The following FRMD4A variants were observed in gnomAD, a reference collection of about 807,000 sequenced individuals.
FRMD4A encodes the protein FERM domain-containing protein 4A.
FRMD4A carries 29 observed loss-of-function variants against 129.1 expected under a neutral mutation model. That is an observed-to-expected ratio of 0.22 (90% CI 0.17 to 0.31). FRMD4A has a LOEUF of 0.31. Among genes scored for constraint, FRMD4A ranks in the 10% least tolerant of loss-of-function variants. The pLI, the probability that FRMD4A is intolerant of heterozygous loss-of-function variation, is 1.00. For synonymous variants in FRMD4A, 634 were observed against 571.6 expected (o/e 1.11, Z -1.56); for missense variants, 1,272 against 1,375.8 (o/e 0.92, Z 1.19).
At chr10:14,276,358 G>A (rs563263077) in intron 2 of FRMD4A, among the ~76,000 whole-genome samples, 10 of 152,156 alleles carry the variant, frequency 6.6e-5, no homozygotes, top group Non-Finnish European at 1.5e-4. Context: ...GACTCAACTT[G>A]GCAACTTCCT....
At chr10:14,063,834 T>C (rs974078037) in intron 2 of FRMD4A, among the ~76,000 whole-genome samples, 1 of 152,082 alleles carries the variant, frequency 6.6e-6, no homozygotes, top group Admixed American at 6.6e-5. Context: ...AGTCAAAACA[T>C]GCGAATTAAC....
chr10:14,177,160 T>C (rs1395705356), intron 2 of FRMD4A, among the ~76,000 whole-genome samples: 1 of 152,164 alleles, frequency 6.6e-6, no homozygotes, highest in Non-Finnish European at 1.5e-5. Flanking sequence ...ACCCCTCTCA[T>C]CAGAATTTCC....
intron 2 of FRMD4A, among the ~76,000 whole-genome samples, chr10:14,322,029 C>G (rs1224256339): frequency 6.6e-6 from 1 of 152,310 alleles, no homozygotes; most frequent in African/African-American, 2.4e-5. Flanking sequence ...TTGTAAGTTT[C>G]CTGAGGCTTC....
intron 2 of FRMD4A, among the ~76,000 whole-genome samples, chr10:14,034,300 A>C (rs572833118): frequency 5.0e-4 from 76 of 152,124 alleles, no homozygotes; most frequent in African/African-American, 1.7e-3. Context: ...GGCTGGTAGC[A>C]GGTGAGGGCA....
chr10:13,824,451 C>T (rs1691562903), intron 3 of FRMD4A, among the ~76,000 whole-genome samples: 1 of 151,494 alleles, frequency 6.6e-6, no homozygotes, highest in South Asian at 2.1e-4. Context: ...GATTGCACTA[C>T]TACACTCCAG....
At chr10:14,005,088 T>C (rs2095657164) in intron 2 of FRMD4A, among the ~76,000 whole-genome samples, 1 of 151,976 alleles carries the variant, frequency 6.6e-6, no homozygotes, top group South Asian at 2.1e-4. Flanking sequence ...AGTGGCTCCA[T>C]CTTGGCTCAC....
At chr10:13,696,055 G>A (rs1423689885) in intron 14 of FRMD4A, among the ~76,000 whole-genome samples, 1 of 152,070 alleles carries the variant, frequency 6.6e-6, no homozygotes, top group Admixed American at 6.5e-5. Flanking sequence ...TCCCTACCCC[G>A]TGGGCCTTTC....
chr10:13,734,838 TTCTATTTATTTATTTA>T (rs1564712488), intron 12 of FRMD4A, among the ~76,000 whole-genome samples: 6 of 141,864 alleles, frequency 4.2e-5, no homozygotes, highest in African/African-American at 1.3e-4. Context: ...CTTCTTCTTT[TTCTATTTATTTATTTA>T]TTTATTTATT....
At chr10:13,651,720 A>C in intron 24 of FRMD4A, 183 bp downstream of exon 24, 1 of 607,914 alleles carries the variant, frequency 1.6e-6, no homozygotes, top group South Asian at 2.0e-5. Context: ...AGTGTTAGGA[A>C]TATCATAATT....
chr10:14,152,773 G>A (rs1051640787), intron 2 of FRMD4A, among the ~76,000 whole-genome samples: 1 of 152,144 alleles, frequency 6.6e-6, no homozygotes, highest in Admixed American at 6.5e-5. Flanking sequence ...CTAGGAGGTT[G>A]AGGCTGCTGT....
At chr10:13,800,008 T>A (rs998913496) in intron 4 of FRMD4A, among the ~76,000 whole-genome samples, 18 of 130,264 alleles carry the variant, frequency 1.4e-4, no homozygotes, top group African/African-American at 4.8e-4. Context: ...TGAAACCCCA[T>A]CTCTACTAAA....
chr10:13,960,715 C>A (rs902759695), intron 2 of FRMD4A, among the ~76,000 whole-genome samples: 2 of 152,214 alleles, frequency 1.3e-5, no homozygotes, highest in Admixed American at 1.3e-4. Context: ...AGCCCACCTA[C>A]CTGCACTTCC....
chr10:13,837,456 T>C (rs2093894677), intron 3 of FRMD4A, among the ~76,000 whole-genome samples: 1 of 152,218 alleles, frequency 6.6e-6, no homozygotes, highest in Non-Finnish European at 1.5e-5. Flanking sequence ...TTCCTGACCT[T>C]GTTTAATGAA....
At chr10:14,287,613 C>G (rs1845722779) in intron 2 of FRMD4A, among the ~76,000 whole-genome samples, 1 of 152,134 alleles carries the variant, frequency 6.6e-6, no homozygotes, top group Non-Finnish European at 1.5e-5. Context: ...CTGATAGTCA[C>G]CAGCAACGCT....
At chr10:14,065,274 C>A (rs1835002138) in intron 2 of FRMD4A, among the ~76,000 whole-genome samples, 1 of 152,192 alleles carries the variant, frequency 6.6e-6, no homozygotes, top group African/African-American at 2.4e-5. Flanking sequence ...ACCTCTGCCT[C>A]CTGGGTTGAA....
chr10:13,939,086 C>T (rs763032081), intron 2 of FRMD4A, among the ~76,000 whole-genome samples: 8 of 152,090 alleles, frequency 5.3e-5, no homozygotes, highest in South Asian at 4.2e-4. Context: ...TTGAGAAACC[C>T]GAGGGTTAAG....
At chr10:14,288,049 A>G (rs796494471) in intron 2 of FRMD4A, among the ~76,000 whole-genome samples, 10 of 152,224 alleles carry the variant, frequency 6.6e-5, no homozygotes, top group African/African-American at 2.4e-4. Flanking sequence ...TCTACGGTGA[A>G]GAGATGGTGA....
intron 2 of FRMD4A, among the ~76,000 whole-genome samples, chr10:14,190,000 A>G (rs1341431457): frequency 6.6e-6 from 1 of 152,200 alleles, no homozygotes; most frequent in African/African-American, 2.4e-5. Context: ...TGATACCTCT[A>G]ATACATAAGC....
chr10:14,306,220 CAT>C (rs1846347243), intron 2 of FRMD4A, among the ~76,000 whole-genome samples: 1 of 152,082 alleles, frequency 6.6e-6, no homozygotes, highest in Admixed American at 6.5e-5. Context: ...AGATGAGAAA[CAT>C]AAAAGTTTTT....
Sources: allele counts gnomAD v4.1 joint callset (sites outside exome capture counted in the v4.1 genomes callset), GRCh38; gene constraint gnomAD v4.1.1; transcripts MANE v1.5; gene names NCBI Gene and HGNC (gene_info 2026-07-23, HGNC 2026-07-21).